Variants in BICRAL observed in about 807,000 individuals in gnomAD.
BICRAL encodes the protein BICRA like chromatin remodeling complex associated protein, also known as BRD4-interacting chromatin-remodeling complex-associated protein-like.
In BICRAL, 8 loss-of-function variants were observed where a neutral mutation model predicts 91.8. The observed-to-expected ratio is 0.09, with a 90% confidence interval of 0.05 to 0.16. BICRAL has a LOEUF of 0.16. Among genes scored for constraint, BICRAL ranks in the 10% least tolerant of loss-of-function variants. The probability of loss-of-function intolerance (pLI) is 1.00; values close to 1 mark genes in which losing one functional copy is unlikely to be tolerated. For synonymous variants in BICRAL, 445 were observed against 491.1 expected (o/e 0.91, Z 1.24); for missense variants, 1,038 against 1,310.9 (o/e 0.79, Z 3.21).
At chr6:42,801,154 A>T (rs1160062478) in intron 1 of BICRAL, among the ~76,000 whole-genome samples, 1 of 151,896 alleles carries the variant, frequency 6.6e-6, no homozygotes, top group Non-Finnish European at 1.5e-5. Context: ...CAGGAGGCTA[A>T]AACAGGGGAA....
intron 1 of BICRAL, among the ~76,000 whole-genome samples, chr6:42,793,373 C>CA (rs371413312): frequency 3.1e-5 from 4 of 130,586 alleles, no homozygotes; most frequent in African/African-American, 1.2e-4. Flanking sequence ...AGGATGGTCT[C>CA]AATCTCCTGA....
intron 1 of BICRAL, among the ~76,000 whole-genome samples, chr6:42,763,037 G>T (rs1582801973): frequency 1.3e-5 from 2 of 152,258 alleles, no homozygotes; most frequent in East Asian, 3.9e-4. Context: ...ACTCCTCGAG[G>T]GAGCCTCTGC....
At chr6:42,748,095 T>C (rs1186565431) in intron 1 of BICRAL, among the ~76,000 whole-genome samples, 6 of 149,376 alleles carry the variant, frequency 4.0e-5, no homozygotes, top group Non-Finnish European at 5.9e-5. Context: ...TGAGCCACTG[T>C]GCCTGGCCCT....
chr6:42,756,917 T>TCC (rs1562448039), intron 1 of BICRAL, among the ~76,000 whole-genome samples: 1 of 70,528 alleles, frequency 1.4e-5, no homozygotes, highest in African/African-American at 6.0e-5. Context: ...TCTCTCTCCC[T>TCC]CTCCCCCCCC....
At chr6:42,759,390 T>C (rs1032863079) in intron 1 of BICRAL, among the ~76,000 whole-genome samples, 1 of 152,114 alleles carries the variant, frequency 6.6e-6, no homozygotes, top group Non-Finnish European at 1.5e-5. Context: ...TGGATTTACA[T>C]GGACAAAAAT....
intron 2 of BICRAL, among the ~76,000 whole-genome samples, 175 bp from the exon 3 acceptor site, chr6:42,821,843 A>C (rs1468029970): frequency 6.6e-6 from 1 of 152,238 alleles, no homozygotes; most frequent in African/African-American, 2.4e-5. Flanking sequence ...TGAATACTTT[A>C]TCTCTCAAAT....
chr6:42,813,798 G>A (rs1763904634), intron 2 of BICRAL, among the ~76,000 whole-genome samples: 1 of 152,038 alleles, frequency 6.6e-6, no homozygotes, highest in African/African-American at 2.4e-5. Context: ...TAGGATTACA[G>A]GCGTGAGCCA....
At chr6:42,862,453 A>G in intron 11 of BICRAL, 57 bp from the exon 12 acceptor site, 1 of 1,174,442 alleles carries the variant, frequency 8.5e-7, no homozygotes, top group East Asian at 2.3e-5. Context: ...TATTTTTTCC[A>G]AAAGCAACCA....
At chr6:42,848,193 A>T (rs554471730) in intron 6 of BICRAL, among the ~76,000 whole-genome samples, 1 of 151,976 alleles carries the variant, frequency 6.6e-6, no homozygotes, top group East Asian at 1.9e-4. Context: ...CAGAGGTTGC[A>T]GTGAGCCAAG....
intron 1 of BICRAL, among the ~76,000 whole-genome samples, chr6:42,747,936 C>G (rs1762310633): frequency 6.6e-6 from 1 of 151,402 alleles, no homozygotes; most frequent in African/African-American, 2.4e-5. Context: ...TCCCGAGTAG[C>G]TGGGACTACA....
At chr6:42,747,363 C>G (rs1348520415) in intron 1 of BICRAL, among the ~76,000 whole-genome samples, 2 of 152,198 alleles carry the variant, frequency 1.3e-5, no homozygotes, top group Non-Finnish European at 2.9e-5. Context: ...ATCCCCAGTT[C>G]CCAGCCTCCA....
At chr6:42,784,600 T>TCTA (rs758446935) in intron 1 of BICRAL, among the ~76,000 whole-genome samples, 49 of 152,358 alleles carry the variant, frequency 3.2e-4, no homozygotes, top group Non-Finnish European at 4.3e-4. Context: ...TTATGATCTG[T>TCTA]CTACCGGGGA....
Position 42,829,406 on chromosome 6 carries a change from A to T in BICRAL, c.1073A>T (p.His358Leu), listed in dbSNP as rs781780298. Residue 358 changes from histidine (H) to leucine (L), a missense_variant, in exon 6 of 13, where the codon CAC becomes CTC. Physicochemically the swap from His to Leu is moderately conservative, Grantham distance 99 (BLOSUM62 -3). Coordinates refer to ENST00000314073, the MANE Select transcript of BICRAL (RefSeq NM_001393499.1). ...SSPQGSVVGPHMSVNIVNQQN... is the reference protein window; with the variant it reads ...SSPQGSVVGPLMSVNIVNQQN... ...CCCCAGGGCTCAGTAGTTGGTCCACACATGTCTGTGAACATTGTAAACCAA... is the reference window on the plus strand; with the variant it reads ...CCCCAGGGCTCAGTAGTTGGTCCACTCATGTCTGTGAACATTGTAAACCAA... 3.5e-5 allele frequency: 57 copies of T among 1,614,104 alleles called. No homozygotes were observed. In the East Asian group the frequency reaches 1.3e-3, roughly 36 times the overall value.
chr6:42,752,769 A>G (rs1562446493), intron 1 of BICRAL, among the ~76,000 whole-genome samples: 1 of 151,878 alleles, frequency 6.6e-6, no homozygotes, highest in Non-Finnish European at 1.5e-5. Flanking sequence ...ATGTGTGGCT[A>G]ATTTTTGTAT....
chr6:42,818,138 A>G (rs760274011), intron 2 of BICRAL, among the ~76,000 whole-genome samples: 14 of 152,118 alleles, frequency 9.2e-5, no homozygotes, highest in Non-Finnish European at 1.5e-4. Flanking sequence ...AAAAGTTCCT[A>G]TTTCCCCACT....
upstream of BICRAL, among the ~76,000 whole-genome samples, chr6:42,781,210 T>C (rs1275117947): frequency 6.6e-6 from 1 of 152,174 alleles, no homozygotes; most frequent in African/African-American, 2.4e-5. Flanking sequence ...TCCGCAAATA[T>C]AGAGATAAAA....
In BICRAL at chr6:42,793,102, C is replaced by T. The variant is rs1272700515; in HGVS notation, c.-102+11001C>T. Reference sequence around the variant, plus strand: ...CCCCAGTAGCTAGGATTTACAAGCGCATGCCACCATGCCCAGCTAATTTTT... The same window carrying T: ...CCCCAGTAGCTAGGATTTACAAGCGTATGCCACCATGCCCAGCTAATTTTT... On this transcript the variant is annotated intron_variant, in intron 1 of 12. Coordinates refer to ENST00000314073, the MANE Select transcript of BICRAL (RefSeq NM_001393499.1). 1.0e-4 allele frequency among the ~76,000 whole-genome samples: 14 copies of T among 135,164 alleles called. No individual in the cohort carries two copies. In the Admixed American group the frequency reaches 1.1e-3, roughly 10 times the overall value. The allele number at this position is 135,164 out of a possible 152,430, so 88.7% of individuals were successfully genotyped here.
intron 6 of BICRAL, among the ~76,000 whole-genome samples, chr6:42,832,835 G>A (rs1764531734): frequency 1.3e-5 from 2 of 151,886 alleles, no homozygotes; most frequent in African/African-American, 2.4e-5. Flanking sequence ...ATTTGTAACA[G>A]CAGGGGCATT....
chr6:42,809,483 C>G (rs1405548708), intron 1 of BICRAL, among the ~76,000 whole-genome samples: 1 of 137,304 alleles, frequency 7.3e-6, no homozygotes, highest in African/African-American at 2.7e-5. Context: ...GTTGCCCGGA[C>G]TAGAGTGCAG....
Sources: gnomAD v4.1 joint callset for allele counts (sites outside exome capture counted in the v4.1 genomes callset) on GRCh38, gnomAD v4.1.1 for gene constraint, MANE v1.5 for transcripts, NCBI Gene and HGNC (gene_info 2026-07-23, HGNC 2026-07-21) for gene names.